Variants in ELF1 observed in about 807,000 individuals in gnomAD.
ELF1 encodes ETS-related transcription factor Elf-1.
ELF1 carries 24 observed loss-of-function variants against 59.9 expected under a neutral mutation model. That is an observed-to-expected ratio of 0.40 (90% CI 0.29 to 0.56). The LOEUF (loss-of-function observed/expected upper bound fraction) is 0.56, where lower values mean the gene tolerates loss of function less well. Ranked by LOEUF, ELF1 falls within the 20% of genes least tolerant of loss-of-function variation. The pLI is 0.44. For synonymous variants in ELF1, 248 were observed against 266.2 expected (o/e 0.93, Z 0.67); for missense variants, 627 against 742.2 (o/e 0.84, Z 1.80).
chr13:41,026,373 C>A (rs777408045), intron 1 of ELF1, among the ~76,000 whole-genome samples: 2 of 152,108 alleles, frequency 1.3e-5, no homozygotes, highest in East Asian at 3.8e-4. Context: ...AGTGTTACTC[C>A]GGCCCAATTA....
chr13:41,051,105 T>A (rs1877069845), intron 1 of ELF1, among the ~76,000 whole-genome samples: 1 of 151,788 alleles, frequency 6.6e-6, no homozygotes, highest in Non-Finnish European at 1.5e-5. Context: ...ATATGTTTCA[T>A]AAACAAACAA....
At chr13:40,941,645 C>A (rs1206578781) in intron 7 of ELF1, among the ~76,000 whole-genome samples, 1 of 152,144 alleles carries the variant, frequency 6.6e-6, no homozygotes, top group East Asian at 1.9e-4. Flanking sequence ...TTTTCTTCCT[C>A]TTTCTGCTAA....
rs1869663078 is a variant in ELF1, at chr13:40,934,900, A to C, written c.1257-872T>G. On this transcript the variant is annotated intron_variant, in intron 8 of 8. Transcript: ENST00000239882. ...AGAATTCTTAGAATTTTAATAGCTC[A>C]CATTTCATGTCATATTTAGATGAAA... Among the ~76,000 whole-genome samples, 2 of 152,226 alleles carry C rather than the reference A, an allele frequency of 1.3e-5. 1 individual carries two copies. The highest frequency in any genetic ancestry group is 4.1e-4 in the South Asian group (2 of 4,836).
rs1484034674 is a variant in ELF1, at chr13:40,933,907, C to G, written c.1378G>C (p.Gly460Arg). 1 of 1,614,230 alleles carries G rather than the reference C, an allele frequency of 6.2e-7. No homozygotes were observed. Among genetic ancestry groups the G allele is most frequent in the South Asian group, 1.1e-5 (1 of 91,086 alleles). ...TVIASTDPSA[G>R]TGSQKFILQA... ...AAAATAAACTTCTGAGATCCAGTAC[C>G]TGCTGATGGATCTGTGCTGGCTATA... The change falls in exon 9 of 9, where the codon GGT (glycine) becomes CGT (arginine). Residue 460 changes from glycine (G) to arginine (R), a missense_variant. By Grantham distance (125) the Gly-to-Arg change is moderately radical. Transcript: ENST00000239882.
At chr13:41,031,674 G>T (rs970962358) in intron 1 of ELF1, among the ~76,000 whole-genome samples, 1 of 151,798 alleles carries the variant, frequency 6.6e-6, no homozygotes, top group Admixed American at 6.6e-5. Context: ...AAAAAAATTA[G>T]CCAGGGGTGT....
At chr13:41,029,687 A>G (rs1876087252) in intron 1 of ELF1, among the ~76,000 whole-genome samples, 2 of 152,280 alleles carry the variant, frequency 1.3e-5, no homozygotes, top group South Asian at 4.2e-4. Context: ...CAGGGAGATA[A>G]GCATTTCAAT....
intron 6 of ELF1, among the ~76,000 whole-genome samples, chr13:40,943,372 C>A (rs7988875): frequency 0.14 from 21,812 of 152,098 alleles, 3,151 homozygotes; most frequent in East Asian, 0.59. Context: ...GTGAACAAAG[C>A]AATCTTGTCA....
At chr13:40,968,321 C>G (rs201519386) in intron 2 of ELF1, among the ~76,000 whole-genome samples, 1 of 152,118 alleles carries the variant, frequency 6.6e-6, no homozygotes, top group African/African-American at 2.4e-5. Context: ...TAAACACACA[C>G]AAAAAATTAG....
At chr13:40,942,669 T>C (rs1301647819) in intron 7 of ELF1, among the ~76,000 whole-genome samples, 3 of 152,030 alleles carry the variant, frequency 2.0e-5, no homozygotes, top group African/African-American at 7.3e-5. Flanking sequence ...CACAGGTGCA[T>C]ACCACCACGC....
intron 1 of ELF1, chr13:41,060,721 AG>A (rs1188940404): frequency 1.0e-4 from 17 of 162,274 alleles, no homozygotes; most frequent in African/African-American, 3.6e-4. Flanking sequence ...GCAAAAAAAA[AG>A]AAAAATAAGG....
intron 1 of ELF1, among the ~76,000 whole-genome samples, chr13:41,030,651 T>G (rs1876122209): frequency 6.6e-6 from 1 of 151,774 alleles, no homozygotes; most frequent in South Asian, 2.1e-4. Flanking sequence ...CTGGGGAGGC[T>G]GAGGTGGGAA....
At chr13:41,047,097 C>T (rs1275670662) in intron 1 of ELF1, among the ~76,000 whole-genome samples, 2 of 152,318 alleles carry the variant, frequency 1.3e-5, no homozygotes, top group South Asian at 2.1e-4. Flanking sequence ...GCATTCGTCA[C>T]GTAGTTCTCC....
chr13:41,032,459 C>A lies in ELF1; in HGVS notation c.-229+28379G>T, dbSNP rs562148771. Among the ~76,000 whole-genome samples the A allele has an allele frequency of 2.3e-3, 355 of 152,014 alleles. 3 individuals are homozygous for A. Among genetic ancestry groups the A allele is most frequent in the Non-Finnish European group, 3.4e-3 (233 of 67,974 alleles). Reference sequence around the variant, plus strand: ...TCTTGAACTCCTGACCTCAGGTGATCCTCCTGCCTCAGCCTCCCAAAGTGC... The same window carrying A: ...TCTTGAACTCCTGACCTCAGGTGATACTCCTGCCTCAGCCTCCCAAAGTGC... On this transcript the variant is annotated intron_variant, in intron 1 of 1. Coordinates refer to the ELF1 transcript ENST00000405737.
intron 5 of ELF1, among the ~76,000 whole-genome samples, chr13:40,949,520 A>G (rs890258797): frequency 6.6e-6 from 1 of 151,350 alleles, no homozygotes; most frequent in Non-Finnish European, 1.5e-5. Flanking sequence ...TGCCCAGCTA[A>G]TTCTTAAAAT....
intron 1 of ELF1, among the ~76,000 whole-genome samples, chr13:41,011,267 T>C (rs886581608): frequency 3.3e-5 from 5 of 152,362 alleles, no homozygotes; most frequent in African/African-American, 1.2e-4. Flanking sequence ...ATTCTGAAGA[T>C]GAAACCTAAC....
intron 3 of ELF1, chr13:40,951,669 G>C: frequency 3.4e-6 from 1 of 292,206 alleles, no homozygotes; most frequent in Non-Finnish European, 6.2e-6. Flanking sequence ...TCAGGAGTCT[G>C]AGACTGGCCA....
At chr13:41,058,025 T>C (rs1198499947) in intron 1 of ELF1, among the ~76,000 whole-genome samples, 1 of 152,230 alleles carries the variant, frequency 6.6e-6, no homozygotes, top group African/African-American at 2.4e-5. Flanking sequence ...CAAATTAATA[T>C]TCAACTCCTA....
intron 1 of ELF1, among the ~76,000 whole-genome samples, chr13:41,000,469 G>GC (rs56006745): frequency 0.99 from 149,904 of 151,926 alleles, 73,978 homozygotes; most frequent in East Asian, 1. Flanking sequence ...TGATCCGCTT[G>GC]CTCGGCCTCC....
chr13:41,002,309 T>C (rs1874497743), intron 1 of ELF1, among the ~76,000 whole-genome samples: 1 of 152,148 alleles, frequency 6.6e-6, no homozygotes. Context: ...ATTCTTCCTA[T>C]ATTGTCTTTT....
Sources: allele counts gnomAD v4.1 joint callset (sites outside exome capture counted in the v4.1 genomes callset), GRCh38; gene constraint gnomAD v4.1.1; transcripts MANE v1.5; gene names NCBI Gene and HGNC (gene_info 2026-07-23, HGNC 2026-07-21).